PUDP: variants seen among roughly 807,000 people sequenced by gnomAD.
The protein encoded by PUDP is pseudouridine 5'-phosphatase, also known as pseudouridine-5'-phosphatase.
A neutral mutation model predicts 9.4 loss-of-function variants in PUDP; 8 were observed. That is an observed-to-expected ratio of 0.85 (90% CI 0.50 to 1.53). PUDP has a LOEUF of 1.53. PUDP is among the 40% of genes most tolerant of loss of function. PUDP has a pLI of 0.00. For missense variants in PUDP, 188 were observed against 189.7 expected, an observed-to-expected ratio of 0.99 and a Z score of 0.05; for synonymous variants, 99 against 80.7, an observed-to-expected ratio of 1.23 and a Z score of -1.22.
intron 2 of PUDP, among the ~76,000 whole-genome samples, chrX:7,102,226 T>C (rs896474858): frequency 9.3e-6 from 1 of 107,215 alleles, no homozygotes; most frequent in Non-Finnish European, 1.9e-5. Context: ...CCACAGCAAA[T>C]TGAAAGGATC....
chrX:6,766,864 T>C (rs2064961890), intron 3 of PUDP, among the ~76,000 whole-genome samples: 1 of 112,302 alleles, frequency 8.9e-6, no homozygotes, highest in Non-Finnish European at 1.9e-5. Flanking sequence ...GATCCCTCTG[T>C]ATTCTTTCTT....
At chrX:6,866,045 T>C (rs1242603836) in intron 3 of PUDP, among the ~76,000 whole-genome samples, 1 of 111,215 alleles carries the variant, frequency 9.0e-6, no homozygotes, top group Non-Finnish European at 1.9e-5. Context: ...TTTAGCTTCC[T>C]GAGTAGCTGT....
intron 1 of PUDP, among the ~76,000 whole-genome samples, chrX:7,007,636 C>T (rs1267296432): frequency 8.9e-6 from 1 of 112,503 alleles, no homozygotes; most frequent in Non-Finnish European, 1.9e-5. Flanking sequence ...TTCACCAGAT[C>T]CAGCCATATG....
chrX:6,877,957 G>A (rs1405069980), intron 3 of PUDP, among the ~76,000 whole-genome samples: 2 of 111,832 alleles, frequency 1.8e-5, no homozygotes, highest in East Asian at 5.7e-4. Flanking sequence ...CTCATGCAAA[G>A]CAAAGAACAC....
chrX:6,841,972 A>C (rs115861671), intron 3 of PUDP, among the ~76,000 whole-genome samples: 3,083 of 110,853 alleles, frequency 0.028, 115 homozygotes, highest in African/African-American at 0.094. Flanking sequence ...TGGGGAGTTC[A>C]TGTGTGTGCT....
At chrX:6,805,779 A>G (rs1470368237) in intron 3 of PUDP, among the ~76,000 whole-genome samples, 1 of 110,272 alleles carries the variant, frequency 9.1e-6, no homozygotes, top group African/African-American at 3.3e-5. Flanking sequence ...TGGCCTCCCA[A>G]AGTACTGGAA....
At position 6,712,441 on chromosome X, in the gene PUDP, C is replaced by T. The variant is rs184770867; in HGVS notation, n.129-5975G>A. 3.7e-3 allele frequency among the ~76,000 whole-genome samples: 412 copies of T among 112,269 alleles called. 9 individuals are homozygous for T. The highest frequency in any genetic ancestry group is 0.037 in the Admixed American group (387 of 10,563). ...CTGGGATTGCAGGCATGAGCCACCA[C>T]GCCCAGCCTATGAGCCAAATTCTAG... On this transcript the variant is annotated intron_variant and non_coding_transcript_variant, in intron 1 of 2. Coordinates refer to the PUDP transcript ENST00000438499.
intron 3 of PUDP, among the ~76,000 whole-genome samples, chrX:6,817,655 A>G (rs1376010503): frequency 9.0e-6 from 1 of 111,283 alleles, no homozygotes; most frequent in Non-Finnish European, 1.9e-5. Context: ...GCAGGCAGGG[A>G]TGATTGGATA....
intron 3 of PUDP, among the ~76,000 whole-genome samples, chrX:6,809,599 A>T (rs1476575674): frequency 9.0e-6 from 1 of 110,972 alleles, no homozygotes; most frequent in African/African-American, 3.3e-5. Flanking sequence ...ACCAAGCCCT[A>T]TATGCCTTTT....
At chrX:6,762,395 T>C (rs763697549) in intron 3 of PUDP, among the ~76,000 whole-genome samples, 5 of 112,169 alleles carry the variant, frequency 4.5e-5, no homozygotes, top group Non-Finnish European at 7.5e-5. Context: ...ATCAGTGGCT[T>C]TGAAAGGAAA....
At chrX:6,838,041 T>A (rs982387057) in intron 3 of PUDP, among the ~76,000 whole-genome samples, 3 of 111,819 alleles carry the variant, frequency 2.7e-5, no homozygotes, top group Admixed American at 9.5e-5. Flanking sequence ...GACAAAATAA[T>A]TTTCATCCAC....
At chrX:7,032,507 T>G (rs1929804840) in intron 1 of PUDP, among the ~76,000 whole-genome samples, 1 of 112,492 alleles carries the variant, frequency 8.9e-6, no homozygotes, top group Non-Finnish European at 1.9e-5. Flanking sequence ...CTGTTACATA[T>G]TCATATAATG....
At chrX:6,992,328 A>C (rs1286161537) in intron 1 of PUDP, among the ~76,000 whole-genome samples, 1 of 60,390 alleles carries the variant, frequency 1.7e-5, no homozygotes, top group East Asian at 5.6e-4. Context: ...GCTGGAGTGC[A>C]GTGGCGCAAT....
chrX:7,081,732 C>G (rs1449455988), intron 2 of PUDP, among the ~76,000 whole-genome samples: 3 of 113,241 alleles, frequency 2.6e-5, no homozygotes, highest in African/African-American at 9.6e-5. Context: ...TATACGCCCT[C>G]TTTGGGCCTC....
intron 3 of PUDP, among the ~76,000 whole-genome samples, chrX:6,856,793 G>A (rs1004680734): frequency 1.8e-5 from 2 of 111,486 alleles, no homozygotes; most frequent in South Asian, 7.7e-4. Flanking sequence ...ATTTGAATTG[G>A]GAGGCTGAGG....
intron 1 of PUDP, among the ~76,000 whole-genome samples, chrX:7,005,483 C>T (rs1929390350): frequency 9.1e-6 from 1 of 109,488 alleles, no homozygotes; most frequent in Admixed American, 9.8e-5. Context: ...AATCATGGCT[C>T]ACTGTAGCCT....
rs373155584 is a variant in PUDP, at chrX:7,028,141, G to A, written c.204+49079C>T. Reference sequence around the variant, plus strand: ...TATTATCATTCAATAAAAATATATAGATATATATAATAGATACATAGTCTA... The same window carrying A: ...TATTATCATTCAATAAAAATATATAAATATATATAATAGATACATAGTCTA... On this transcript the variant is annotated intron_variant and NMD_transcript_variant, in intron 1 of 3. Coordinates refer to the PUDP transcript ENST00000655425. Among the ~76,000 whole-genome samples the A allele has an allele frequency of 6.8e-4, 73 of 107,118 alleles. 1 individual carries two copies. The East Asian group carries it at 0.013, about 18-fold the overall frequency. 93.0% of individuals were successfully genotyped at this position (107,118 alleles called of 115,157 possible).
chrX:7,145,148 AAATT>A (rs1932835182), intron 1 of PUDP, among the ~76,000 whole-genome samples: 1 of 112,400 alleles, frequency 8.9e-6, no homozygotes. Context: ...CCTAGTATCA[AAATT>A]AATGTCAAAC....
At chrX:6,916,227 CACACACACACACACACACA>C (rs1569122744) in intron 3 of PUDP, among the ~76,000 whole-genome samples, 91 of 105,370 alleles carry the variant, frequency 8.6e-4, no homozygotes, top group African/African-American at 3.1e-3. Flanking sequence ...CACACACACA[CACACACACACACACACACA>C]CACCCTGGGG....
Sources: allele counts gnomAD v4.1 joint callset (sites outside exome capture counted in the v4.1 genomes callset), GRCh38; gene constraint gnomAD v4.1.1; transcripts MANE v1.5; gene names NCBI Gene and HGNC (gene_info 2026-07-23, HGNC 2026-07-21).